The following SPMIP7 variants were observed in gnomAD, a reference collection of about 807,000 sequenced individuals.
The protein encoded by SPMIP7 is sperm microtubule inner protein 7, also known as protein SPMIP7.
chr7:50,134,057 T>C, the SPMIP7 span: 1 of 1,451,582 alleles, frequency 6.9e-7, no homozygotes, highest in Non-Finnish European at 9.3e-7. Flanking sequence ...TTATAAACTT[T>C]ACCAATTGAA....
At chr7:50,096,004 T>C in the SPMIP7 span, 6 of 870,734 alleles carry the variant, frequency 6.9e-6, no homozygotes, top group Non-Finnish European at 1.0e-5. Context: ...CTTTAGTTAT[T>C]GGCAATAGAG....
chr7:50,103,630 C>T, the SPMIP7 span, among the ~76,000 whole-genome samples: 2 of 152,198 alleles, frequency 1.3e-5, no homozygotes, highest in African/African-American at 4.8e-5. Flanking sequence ...ACTACCCTTC[C>T]TCTACTTCTC....
the SPMIP7 span, chr7:50,136,159 T>C: frequency 1.3e-6 from 2 of 1,549,568 alleles, no homozygotes; most frequent in Non-Finnish European, 8.7e-7. Flanking sequence ...GTCAAACCAA[T>C]TAATTTGTAA....
chr7:50,137,545 T>C, the SPMIP7 span, among the ~76,000 whole-genome samples: 1 of 152,178 alleles, frequency 6.6e-6, no homozygotes, highest in Non-Finnish European at 1.5e-5. Context: ...TCTAGAATTG[T>C]TGGGTCATGT....
chr7:50,123,440 A>T, the SPMIP7 span, among the ~76,000 whole-genome samples: 1 of 124,220 alleles, frequency 8.1e-6, no homozygotes. Context: ...GGGGGGAGGG[A>T]TAGCATTAGG....
At chr7:50,097,440 A>G in the SPMIP7 span, among the ~76,000 whole-genome samples, 686 of 152,334 alleles carry the variant, frequency 4.5e-3, 17 homozygotes, top group South Asian at 0.068. Flanking sequence ...ACTTTGTACC[A>G]CCAAGTCAGA....
the SPMIP7 span, chr7:50,136,139 C>G: frequency 6.4e-7 from 1 of 1,551,272 alleles, no homozygotes; most frequent in South Asian, 1.2e-5. Context: ...CAAGATCTTT[C>G]TTGGCACCAG....
chr7:50,111,724 T>C, the SPMIP7 span, among the ~76,000 whole-genome samples: 1 of 152,212 alleles, frequency 6.6e-6, no homozygotes, highest in Non-Finnish European at 1.5e-5. Flanking sequence ...TTGCACTTAC[T>C]ATCTACTTAA....
chr7:50,158,258 C>G, the SPMIP7 span, among the ~76,000 whole-genome samples: 1 of 151,290 alleles, frequency 6.6e-6, no homozygotes, highest in Non-Finnish European at 1.5e-5. Context: ...CCTCCCACCC[C>G]CCATGTCTTT....
chr7:50,150,333 G>C, the SPMIP7 span, among the ~76,000 whole-genome samples: 1 of 152,176 alleles, frequency 6.6e-6, no homozygotes, highest in African/African-American at 2.4e-5. Context: ...GTCCAAGGAT[G>C]GCAAGTGAAA....
the SPMIP7 span, among the ~76,000 whole-genome samples, chr7:50,152,976 C>T: frequency 9.2e-5 from 14 of 152,112 alleles, no homozygotes; most frequent in East Asian, 1.9e-4. Flanking sequence ...CATGAGCCAC[C>T]GTGCCTGGCC....
chr7:50,114,238 T>TG, the SPMIP7 span, among the ~76,000 whole-genome samples: 1 of 152,206 alleles, frequency 6.6e-6, no homozygotes, highest in South Asian at 2.1e-4. Flanking sequence ...GGTAAACATA[T>TG]GGGTAAATAT....
the SPMIP7 span, among the ~76,000 whole-genome samples, chr7:50,097,673 C>T: frequency 2.2e-5 from 2 of 90,440 alleles, no homozygotes; most frequent in African/African-American, 4.3e-5. Context: ...AAGTAAGGGT[C>T]ATTTTATGTT....
the SPMIP7 span, among the ~76,000 whole-genome samples, chr7:50,126,633 T>C: frequency 4.0e-5 from 6 of 151,734 alleles, no homozygotes; most frequent in Non-Finnish European, 8.8e-5. Flanking sequence ...ACAAACATCT[T>C]TACAAAGCAA....
At chr7:50,153,202 A>G in the SPMIP7 span, among the ~76,000 whole-genome samples, 1 of 152,204 alleles carries the variant, frequency 6.6e-6, no homozygotes. Context: ...GTTCCTCAGA[A>G]GGGGCTTATT....
At chr7:50,150,521 ATGT>A in the SPMIP7 span, among the ~76,000 whole-genome samples, 1 of 152,186 alleles carries the variant, frequency 6.6e-6, no homozygotes, top group Non-Finnish European at 1.5e-5. Context: ...TGATCTGTAA[ATGT>A]TGTGTTCTTG....
the SPMIP7 span, among the ~76,000 whole-genome samples, chr7:50,130,971 A>G: frequency 6.6e-6 from 1 of 152,154 alleles, no homozygotes; most frequent in Non-Finnish European, 1.5e-5. Flanking sequence ...GGACACTTTA[A>G]GCAATTGTAA....
the SPMIP7 span, among the ~76,000 whole-genome samples, chr7:50,125,209 T>TATATATACAC: frequency 3.1e-3 from 91 of 29,124 alleles, 14 homozygotes; most frequent in African/African-American, 9.8e-3. Flanking sequence ...TATATACACA[T>TATATATACAC]ATATATACAC....
chr7:50,095,927 A>G, the SPMIP7 span: 4 of 520,958 alleles, frequency 7.7e-6, no homozygotes, highest in Admixed American at 7.5e-5. Context: ...TTGCCTTAAA[A>G]AGAAAAACAA....
Sources: gnomAD v4.1 joint callset for allele counts (sites outside exome capture counted in the v4.1 genomes callset) on GRCh38, gnomAD v4.1.1 for gene constraint, MANE v1.5 for transcripts, NCBI Gene and HGNC (gene_info 2026-07-23, HGNC 2026-07-21) for gene names.